CMSS1: variants seen among roughly 807,000 people sequenced by gnomAD.
CMSS1 encodes the protein cms1 ribosomal small subunit homolog, also known as protein CMSS1.
A neutral mutation model predicts 43.5 loss-of-function variants in CMSS1; 33 were observed. That is an observed-to-expected ratio of 0.76 (90% CI 0.57 to 1.01). CMSS1 has a LOEUF of 1.01. Among genes scored for constraint, CMSS1 ranks in the 50% least tolerant of loss-of-function variants. The pLI is 0.00. For synonymous variants in CMSS1, 115 were observed against 117.2 expected (o/e 0.98, Z 0.12); for missense variants, 313 against 326.4 (o/e 0.96, Z 0.32).
chr3:100,171,862 A>T lies in CMSS1; in HGVS notation c.542A>T (p.Asp181Val), dbSNP rs768233327. 1.2e-6 allele frequency: 2 copies of T among 1,613,942 alleles called. No individual in the cohort carries two copies. The highest frequency in any genetic ancestry group is 2.2e-5 in the South Asian group (2 of 91,078). The change falls in exon 7 of 10, where the codon GAC becomes GTC. Residue 181 changes from aspartate to valine, a missense_variant. Transcript: ENST00000421999. Reference protein sequence around the residue: ...LIRSMTAFRGDGKVIKLFAKH... With the variant: ...LIRSMTAFRGVGKVIKLFAKH... ...AGGTCGATGACAGCATTCAGAGGAGACGGCAAAGTTATAAAATTATTTGCA... is the reference window on the plus strand; with the variant it reads ...AGGTCGATGACAGCATTCAGAGGAGTCGGCAAAGTTATAAAATTATTTGCA...
chr3:99,868,856 C>T (rs906072103), intron 1 of CMSS1, among the ~76,000 whole-genome samples: 1 of 152,168 alleles, frequency 6.6e-6, no homozygotes, highest in Admixed American at 6.5e-5. Flanking sequence ...TCCCCACAGC[C>T]CTTACAGCTT....
rs148431761 is a variant in CMSS1, at chr3:100,062,407, G to A, written c.65-84566G>A. On this transcript the variant is annotated intron_variant, in intron 1 of 9. Transcript: ENST00000421999. ...ATTACAGGTGTGAGCCACCGCGCCC[G>A]GTCTATCCTGTCTTCTTTTAACAGA... is the stretch of plus-strand genomic sequence containing the variant. Among the ~76,000 whole-genome samples, 911 of 151,972 alleles carry A rather than the reference G, an allele frequency of 6.0e-3. 4 individuals are homozygous for A. Among genetic ancestry groups the A allele is most frequent in the African/African-American group, 0.021 (863 of 41,426 alleles).
chr3:100,149,613 TATC>T (rs1031495477), intron 2 of CMSS1, among the ~76,000 whole-genome samples: 3 of 152,090 alleles, frequency 2.0e-5, no homozygotes, highest in African/African-American at 7.2e-5. Flanking sequence ...GCCAGAGAAA[TATC>T]ATTTTTTTCT....
chr3:100,047,618 A>G (rs1559738679), intron 1 of CMSS1, among the ~76,000 whole-genome samples: 1 of 152,212 alleles, frequency 6.6e-6, no homozygotes, highest in Non-Finnish European at 1.5e-5. Context: ...GCAAACAGTG[A>G]TTCAACTGCA....
intron 1 of CMSS1, among the ~76,000 whole-genome samples, chr3:99,865,328 A>G (rs1284798655): frequency 1.3e-5 from 2 of 152,174 alleles, no homozygotes. Context: ...TTCTCACCCC[A>G]TTACATACAT....
At chr3:100,108,545 G>T (rs2066432527) in intron 1 of CMSS1, among the ~76,000 whole-genome samples, 1 of 152,098 alleles carries the variant, frequency 6.6e-6, no homozygotes, top group South Asian at 2.1e-4. Context: ...ATGCATTGTG[G>T]TACATTCTGG....
rs1233573719 is a variant in CMSS1, at chr3:100,014,895, CTTTTTTTTTTT to C, written c.65-132065_65-132055del. ...TTTTCTTTTTTTTTTTTCTTTCTTTCTTTTTTTTTTTTTTTTTTTTTTTGCCCCTGTTGCTT... is the reference window on the plus strand; with the variant it reads ...TTTTCTTTTTTTTTTTTCTTTCTTTCTTTTTTTTTTTTGCCCCTGTTGCTT... On this transcript the variant is annotated intron_variant, in intron 1 of 9. Transcript: ENST00000421999. Among the ~76,000 whole-genome samples, 5 of 25,008 alleles carry C rather than the reference CTTTTTTTTTTT, an allele frequency of 2.0e-4. No homozygotes were observed. The Admixed American group carries it at 2.3e-3, about 11-fold the overall frequency. 16.4% of individuals were successfully genotyped at this position (25,008 alleles called of 152,430 possible).
chr3:100,137,301 A>T lies in CMSS1; in HGVS notation c.65-9672A>T, dbSNP rs2066763823. ...AGCTGATGACCTCTAGAAATATAGAACTTCCCCCACAAAATGATACTGAAC... is the reference window on the plus strand; with the variant it reads ...AGCTGATGACCTCTAGAAATATAGATCTTCCCCCACAAAATGATACTGAAC... On this transcript the variant is annotated intron_variant, in intron 1 of 9. Coordinates refer to ENST00000421999, the MANE Select transcript of CMSS1 (RefSeq NM_032359.4). 2.6e-5 allele frequency among the ~76,000 whole-genome samples: 4 copies of T among 152,190 alleles called. No homozygotes were observed. In the South Asian group the frequency reaches 8.3e-4, roughly 31 times the overall value.
chr3:99,924,330 T>C, intron 1 of CMSS1: 4 of 1,614,096 alleles, frequency 2.5e-6, no homozygotes, highest in Non-Finnish European at 3.4e-6. Flanking sequence ...ATGGTTTGCC[T>C]ACGGGATTTT....
At chr3:99,929,970 T>C (rs753150696) in intron 1 of CMSS1, 2 of 1,613,962 alleles carry the variant, frequency 1.2e-6, no homozygotes, top group African/African-American at 2.7e-5. Context: ...CATACTGAGC[T>C]TCCAGCAAAG....
At chr3:100,158,882 G>A (rs899325892) in intron 2 of CMSS1, among the ~76,000 whole-genome samples, 4 of 152,124 alleles carry the variant, frequency 2.6e-5, no homozygotes, top group Admixed American at 6.5e-5. Context: ...CATATTCCTC[G>A]AGAACACCTC....
chr3:99,969,318 A>G (rs1211691168), intron 1 of CMSS1, among the ~76,000 whole-genome samples: 1 of 152,220 alleles, frequency 6.6e-6, no homozygotes, highest in Non-Finnish European at 1.5e-5. Flanking sequence ...CTTGAGCAAT[A>G]TGACAGTTTG....
intron 1 of CMSS1, among the ~76,000 whole-genome samples, chr3:99,989,228 G>A (rs1296596984): frequency 6.6e-6 from 1 of 152,128 alleles, no homozygotes; most frequent in African/African-American, 2.4e-5. Flanking sequence ...AGCTCACAAA[G>A]CCAACCTCTG....
intron 1 of CMSS1, among the ~76,000 whole-genome samples, chr3:99,896,712 C>T (rs566485161): frequency 8.5e-5 from 13 of 152,226 alleles, no homozygotes; most frequent in South Asian, 4.2e-4. Flanking sequence ...CATTTGTTGC[C>T]ATAGCAACCG....
intron 1 of CMSS1, among the ~76,000 whole-genome samples, chr3:99,915,154 T>G (rs1706912304): frequency 6.6e-6 from 1 of 152,164 alleles, no homozygotes; most frequent in Admixed American, 6.5e-5. Flanking sequence ...CTCATCAAAA[T>G]GGGCTTGTCT....
chr3:100,084,859 C>T (rs1251885632), intron 1 of CMSS1, among the ~76,000 whole-genome samples: 1 of 152,112 alleles, frequency 6.6e-6, no homozygotes, highest in Non-Finnish European at 1.5e-5. Flanking sequence ...AATACCTATC[C>T]CCAATCAGTC....
In CMSS1 at chr3:99,835,684, A is replaced by G. The variant is rs531053636; in HGVS notation, c.64+17641A>G. ...TGACTGCATTTTAAGAAACATTGAT[A>G]TAAGGAGTTCAAAAATAAATGATAG... On this transcript the variant is annotated intron_variant, in intron 1 of 9. Coordinates refer to ENST00000421999, the MANE Select transcript of CMSS1 (RefSeq NM_032359.4). Among the ~76,000 whole-genome samples the G allele has an allele frequency of 3.3e-5, 5 of 152,338 alleles. No individual in the cohort carries two copies. The South Asian group carries it at 1.0e-3, about 32-fold the overall frequency.
chr3:99,972,340 C>T (rs964109832), intron 1 of CMSS1, among the ~76,000 whole-genome samples: 3 of 152,192 alleles, frequency 2.0e-5, no homozygotes, highest in African/African-American at 7.2e-5. Flanking sequence ...AAAACTAATG[C>T]CATGGCAGGA....
At chr3:99,931,736 C>T (rs531669916) in intron 1 of CMSS1, among the ~76,000 whole-genome samples, 32 of 152,256 alleles carry the variant, frequency 2.1e-4, no homozygotes, top group Non-Finnish European at 3.5e-4. Context: ...TACTACCTAA[C>T]GTAGTTGGCC....
Sources: allele counts gnomAD v4.1 joint callset (sites outside exome capture counted in the v4.1 genomes callset), GRCh38; gene constraint gnomAD v4.1.1; transcripts MANE v1.5; gene names NCBI Gene and HGNC (gene_info 2026-07-23, HGNC 2026-07-21).